Variants in OPRM1 observed in about 807,000 individuals in gnomAD.
OPRM1 encodes the protein opioid receptor mu 1.
OPRM1 carries 27 observed loss-of-function variants against 31.8 expected under a neutral mutation model. That is an observed-to-expected ratio of 0.85 (90% CI 0.63 to 1.17). The LOEUF is 1.17. Among genes scored for constraint, OPRM1 ranks in the 50% most tolerant of loss-of-function variants. OPRM1 has a pLI of 0.00. For synonymous variants in OPRM1, 196 were observed against 189.9 expected (o/e 1.03, Z -0.26); for missense variants, 536 against 511.1 (o/e 1.05, Z -0.47).
At chr6:154,241,286 C>G (rs1583884707) in intron 3 of OPRM1, among the ~76,000 whole-genome samples, 1 of 148,910 alleles carries the variant, frequency 6.7e-6, no homozygotes, top group Non-Finnish European at 1.5e-5. Context: ...TTGGATGATT[C>G]ATTTTTTCTA....
In OPRM1 at chr6:154,124,934, T is replaced by G. The variant is rs1198651611; in HGVS notation, c.*6213T>G. Among the ~76,000 whole-genome samples the G allele has an allele frequency of 1.3e-5, 2 of 152,164 alleles. No individual in the cohort carries two copies. Among genetic ancestry groups the G allele is most frequent in the African/African-American group, 4.8e-5 (2 of 41,444 alleles). ...GCACTCAGACATTTTGTAGAGCAAG[T>G]AGCAATCTATTCAAAGTTGTAAAGG... On this transcript the variant is annotated 3_prime_UTR_variant, in exon 4 of 4. Transcript: ENST00000330432.
intron 3 of OPRM1, among the ~76,000 whole-genome samples, chr6:154,199,292 C>G (rs1776887731): frequency 6.6e-6 from 1 of 152,216 alleles, no homozygotes; most frequent in South Asian, 2.1e-4. Context: ...TTTGAACTAT[C>G]AAGGTGATGT....
At chr6:154,171,579 A>C (rs1427770243) in intron 3 of OPRM1, among the ~76,000 whole-genome samples, 2 of 152,212 alleles carry the variant, frequency 1.3e-5, no homozygotes, top group African/African-American at 4.8e-5. Flanking sequence ...AATATACTAA[A>C]AACCAATGAA....
intron 1 of OPRM1, among the ~76,000 whole-genome samples, chr6:154,046,052 C>T (rs562924467): frequency 6.6e-6 from 1 of 152,346 alleles, no homozygotes; most frequent in East Asian, 1.9e-4. Flanking sequence ...GTATCTCACA[C>T]TCTGCTGAAT....
chr6:154,232,393 C>T (rs753141408), intron 3 of OPRM1, among the ~76,000 whole-genome samples: 7 of 152,052 alleles, frequency 4.6e-5, no homozygotes, highest in Non-Finnish European at 7.4e-5. Context: ...ATTTATTGAG[C>T]GCTAAGCATA....
chr6:154,034,420 C>A (rs111711428), upstream of OPRM1, among the ~76,000 whole-genome samples: 3 of 152,144 alleles, frequency 2.0e-5, no homozygotes, highest in African/African-American at 4.8e-5. Context: ...TGGTGGCGGG[C>A]GCCTGTAGTC....
chr6:154,159,143 T>C (rs1233665587), intron 3 of OPRM1: 1 of 152,254 alleles, frequency 6.6e-6, no homozygotes, highest in Non-Finnish European at 1.5e-5. Context: ...CTAGCTGTTG[T>C]AAGGAAAGGA....
Position 154,127,843 on chromosome 6 carries a change from C to A in OPRM1, c.*9122C>A, listed in dbSNP as rs763336668. 2.6e-5 allele frequency among the ~76,000 whole-genome samples: 4 copies of A among 152,206 alleles called. No homozygotes were observed. Among genetic ancestry groups the A allele is most frequent in the Non-Finnish European group, 5.9e-5 (4 of 68,040 alleles). ...AAAATAACAAAGGCTTCCTGTAATTCTCTTTGGCTGTAATACAATTTGTTC... is the reference window on the plus strand; with the variant it reads ...AAAATAACAAAGGCTTCCTGTAATTATCTTTGGCTGTAATACAATTTGTTC... On this transcript the variant is annotated 3_prime_UTR_variant, in exon 4 of 4. Coordinates refer to ENST00000330432, the MANE Select transcript of OPRM1 (RefSeq NM_000914.5).
chr6:154,030,041 C>T (rs1400935627), intron 1 of OPRM1, among the ~76,000 whole-genome samples: 1 of 151,842 alleles, frequency 6.6e-6, no homozygotes, highest in African/African-American at 2.4e-5. Flanking sequence ...ACTGTGAGTC[C>T]TCTTTCCTTT....
At chr6:154,039,229 C>G (rs1164802910), upstream of OPRM1, 4 of 1,551,740 alleles carry the variant, frequency 2.6e-6, no homozygotes, top group Middle Eastern at 1.7e-4. Context: ...AAAATCCACC[C>G]CTTTTCCCTC....
chr6:154,140,462 G>T (rs941038697), intron 3 of OPRM1, among the ~76,000 whole-genome samples: 1 of 151,948 alleles, frequency 6.6e-6, no homozygotes, highest in African/African-American at 2.4e-5. Flanking sequence ...TCCTGAGTAG[G>T]TGGCATTACA....
At chr6:154,048,958 G>A (rs1054145349) in intron 1 of OPRM1, among the ~76,000 whole-genome samples, 2 of 152,210 alleles carry the variant, frequency 1.3e-5, no homozygotes, top group African/African-American at 4.8e-5. Flanking sequence ...TATGACTACA[G>A]AATTCGTGAG....
chr6:154,088,575 T>C (rs1791216825), intron 1 of OPRM1, among the ~76,000 whole-genome samples: 1 of 152,196 alleles, frequency 6.6e-6, no homozygotes, highest in African/African-American at 2.4e-5. Flanking sequence ...ACGGTCCAAT[T>C]GGGTCTACAC....
chr6:154,218,393 G>A (rs1000075416), intron 3 of OPRM1, among the ~76,000 whole-genome samples: 4 of 152,122 alleles, frequency 2.6e-5, no homozygotes, highest in Admixed American at 6.5e-5. Flanking sequence ...CAGAACATGC[G>A]GAGTTTCTAC....
At chr6:154,212,928 T>G in intron 3 of OPRM1, 1 of 1,011,276 alleles carries the variant, frequency 9.9e-7, no homozygotes, top group Non-Finnish European at 1.5e-6. Flanking sequence ...AGCAGAGGTT[T>G]ATCTCCATCT....
intron 3 of OPRM1, among the ~76,000 whole-genome samples, chr6:154,151,558 T>A (rs4869819): frequency 0.6 from 91,179 of 151,896 alleles, 28,193 homozygotes; most frequent in African/African-American, 0.74. Flanking sequence ...GCACGGTATT[T>A]GCTGCAAAAA....
At chr6:154,041,631 ATT>A (rs568209489) in intron 1 of OPRM1, among the ~76,000 whole-genome samples, 10 of 147,028 alleles carry the variant, frequency 6.8e-5, no homozygotes, top group African/African-American at 2.0e-4. Flanking sequence ...TAGCTAACAT[ATT>A]TTTTTTTTTT....
chr6:154,168,648 C>G lies in OPRM1; in HGVS notation c.1164+77176C>G, dbSNP rs1462326123. Reference sequence around the variant, plus strand: ...GAGACGGAGTTTTACTGCTGTTGCCCAGGCTAAAGTGAAATGGCACAATCT... The same window carrying G: ...GAGACGGAGTTTTACTGCTGTTGCCGAGGCTAAAGTGAAATGGCACAATCT... On this transcript the variant is annotated intron_variant, in intron 3 of 3. Coordinates refer to the OPRM1 transcript ENST00000337049. This position sits in a 1 kb window ranked among gnomAD's most constrained non-coding sequence, Gnocchi z 4.1. Among the ~76,000 whole-genome samples, 2 of 151,834 alleles carry G rather than the reference C, an allele frequency of 1.3e-5. No homozygotes were observed. Among genetic ancestry groups the G allele is most frequent in the Non-Finnish European group, 2.9e-5 (2 of 67,994 alleles).
At chr6:154,227,352 G>T (rs1258091472) in intron 3 of OPRM1, among the ~76,000 whole-genome samples, 1 of 152,134 alleles carries the variant, frequency 6.6e-6, no homozygotes, top group African/African-American at 2.4e-5. Context: ...GATCTCAAAT[G>T]ATATAATACA....
Sources: gnomAD v4.1 joint callset for allele counts (sites outside exome capture counted in the v4.1 genomes callset) on GRCh38, gnomAD v4.1.1 for gene constraint, Gnocchi (gnomAD v3.1) non-coding constraint, MANE v1.5 for transcripts, NCBI Gene and HGNC (gene_info 2026-07-23, HGNC 2026-07-21) for gene names.